TNKS: variants seen among roughly 807,000 people sequenced by gnomAD.
TNKS encodes poly [ADP-ribose] polymerase tankyrase-1.
In TNKS, 72 loss-of-function variants were observed where a neutral mutation model predicts 135.8. The observed-to-expected ratio is 0.53, with a 90% confidence interval of 0.44 to 0.64. The LOEUF (loss-of-function observed/expected upper bound fraction) is 0.64. TNKS is among the 30% of genes least tolerant of loss of function. TNKS has a pLI of 0.00. For missense variants in TNKS, 1,769 were observed against 1,674.0 expected (o/e 1.06, Z -0.99); for synonymous variants, 849 against 649.3 (o/e 1.31, Z -4.68).
At chr8:9,715,368 C>A (rs28491642) in intron 11 of TNKS, among the ~76,000 whole-genome samples, 408 of 40,576 alleles carry the variant, frequency 0.01, 1 homozygote, top group African/African-American at 0.027. Context: ...GCAGGGGGGG[C>A]GGGTATGATC....
At chr8:9,644,550 G>C (rs1800842967) in intron 3 of TNKS, among the ~76,000 whole-genome samples, 1 of 151,992 alleles carries the variant, frequency 6.6e-6, no homozygotes, top group Non-Finnish European at 1.5e-5. Context: ...CCATTTCTTG[G>C]ACTTTTTACT....
chr8:9,619,989 C>T (rs1173154440), intron 3 of TNKS, among the ~76,000 whole-genome samples: 5 of 150,434 alleles, frequency 3.3e-5, no homozygotes, highest in African/African-American at 7.3e-5. Context: ...CTCACTCTGT[C>T]GCCAGGTTGG....
intron 22 of TNKS, among the ~76,000 whole-genome samples, chr8:9,763,962 C>T (rs1159765563): frequency 6.6e-6 from 1 of 152,112 alleles, no homozygotes; most frequent in South Asian, 2.1e-4. Flanking sequence ...GAACTCAGGA[C>T]CATGACCCCA....
At position 9,633,101 on chromosome 8, in the gene TNKS, C is replaced by T. The variant is rs186916444; in HGVS notation, c.994+17424C>T. 1.6e-3 allele frequency among the ~76,000 whole-genome samples: 248 copies of T among 152,270 alleles called. 2 individuals carry two copies. The highest frequency in any genetic ancestry group is 5.6e-3 in the African/African-American group (232 of 41,542). ...ATGGAAAATGGTACATTACTGCTTA[C>T]ATTAGGCACTGAAGAAATGCATGGT... On this transcript the variant is annotated intron_variant, in intron 3 of 26. Transcript: ENST00000310430.
intron 8 of TNKS, 135 bp from the exon 9 acceptor site, chr8:9,708,236 A>G (rs977301612): frequency 2.5e-5 from 19 of 748,146 alleles, no homozygotes; most frequent in African/African-American, 2.3e-4. Context: ...TTTTATCATC[A>G]TATTATCACA....
chr8:9,729,680 A>T (rs757806231), intron 13 of TNKS, among the ~76,000 whole-genome samples: 1 of 151,816 alleles, frequency 6.6e-6, no homozygotes, highest in Admixed American at 6.6e-5. Flanking sequence ...TTATCTGTAA[A>T]GTTAATTTAT....
rs199759393 is a variant in TNKS, at chr8:9,748,147, C to T, written c.2767C>T (p.Leu923=). 3 of 1,614,136 alleles carry T rather than the reference C, an allele frequency of 1.9e-6. No individual in the cohort carries two copies. The highest frequency in any genetic ancestry group is 2.5e-6 in the Non-Finnish European group (3 of 1,180,014). Residue 923 remains leucine, a synonymous_variant, in exon 18 of 27, where the codon CTA becomes TTA. Coordinates refer to ENST00000310430, the MANE Select transcript of TNKS (RefSeq NM_003747.3). ...AAGGACGCAGCTGTGCGCCCTCCTCCTAGCGCATGGTGCAGACCCCACCAT... is the reference window on the plus strand; with the variant it reads ...AAGGACGCAGCTGTGCGCCCTCCTCTTAGCGCATGGTGCAGACCCCACCAT... ...KGRTQLCALL[L]AHGADPTMKN...
intron 1 of TNKS, among the ~76,000 whole-genome samples, chr8:9,565,567 A>G (rs1223419865): frequency 6.6e-6 from 1 of 152,232 alleles, no homozygotes; most frequent in Non-Finnish European, 1.5e-5. Flanking sequence ...TAGTTCAAAA[A>G]TAAACTAAAC....
At chr8:9,670,543 C>T (rs1055656249) in intron 3 of TNKS, among the ~76,000 whole-genome samples, 1 of 151,982 alleles carries the variant, frequency 6.6e-6, no homozygotes. Context: ...ACATTTCTAC[C>T]TAAAACAATG....
chr8:9,659,871 T>C (rs891134387), intron 3 of TNKS, among the ~76,000 whole-genome samples: 7 of 151,506 alleles, frequency 4.6e-5, no homozygotes, highest in African/African-American at 7.3e-5. Flanking sequence ...GAGAGACGAA[T>C]CAAATAGACG....
chr8:9,598,813 A>ATG (rs1798907704), intron 2 of TNKS, among the ~76,000 whole-genome samples: 1 of 107,366 alleles, frequency 9.3e-6, no homozygotes, highest in Non-Finnish European at 1.9e-5. Context: ...ATATATATAT[A>ATG]TATATGAATG....
intron 3 of TNKS, among the ~76,000 whole-genome samples, chr8:9,667,133 C>T (rs1006253435): frequency 1.5e-4 from 23 of 152,000 alleles, no homozygotes; most frequent in African/African-American, 4.1e-4. Flanking sequence ...CAAATAGAAA[C>T]GACAGAATAC....
chr8:9,767,219 G>A (rs1807505330), intron 25 of TNKS, among the ~76,000 whole-genome samples: 1 of 152,136 alleles, frequency 6.6e-6, no homozygotes. Context: ...GGAATTAATA[G>A]CAAACAAATG....
At chr8:9,771,580 A>G (rs1373726397) in intron 26 of TNKS, among the ~76,000 whole-genome samples, 3 of 131,446 alleles carry the variant, frequency 2.3e-5, no homozygotes, top group Non-Finnish European at 4.9e-5. Flanking sequence ...AGGAAGGAAG[A>G]GAGAAAGGGA....
At chr8:9,706,313 A>T in intron 7 of TNKS, 60 bp downstream of exon 7, 1 of 1,272,018 alleles carries the variant, frequency 7.9e-7, no homozygotes, top group Admixed American at 2.5e-5. Flanking sequence ...TTACCTTGTC[A>T]TGACTTTCCA....
At position 9,593,880 on chromosome 8, in the gene TNKS, A is replaced by T. The variant is rs184809144; in HGVS notation, c.898+13497A>T. Among the ~76,000 whole-genome samples, 1,384 of 149,646 alleles carry T rather than the reference A, an allele frequency of 9.2e-3. 17 individuals carry two copies. Among genetic ancestry groups the T allele is most frequent in the African/African-American group, 0.031 (1,249 of 40,796 alleles). On this transcript the variant is annotated intron_variant, in intron 2 of 26. Coordinates refer to ENST00000310430, the MANE Select transcript of TNKS (RefSeq NM_003747.3). The stretch of plus-strand genomic sequence containing the variant: ...TCCCTTGATATTTATTTATTTATTT[A>T]TTATTATTATTATTATTATTTTTTG...
intron 1 of TNKS, among the ~76,000 whole-genome samples, chr8:9,559,133 C>T (rs1350849331): frequency 1.3e-5 from 2 of 152,086 alleles, no homozygotes; most frequent in Admixed American, 6.6e-5. Context: ...GCCCTTAACC[C>T]TTATGGAGCT....
chr8:9,669,473 C>T (rs1802170360), intron 3 of TNKS, among the ~76,000 whole-genome samples: 1 of 150,548 alleles, frequency 6.6e-6, no homozygotes, highest in Admixed American at 6.6e-5. Flanking sequence ...AGGGACAAGG[C>T]ATTGTATGGA....
intron 5 of TNKS, among the ~76,000 whole-genome samples, chr8:9,698,004 T>A (rs745899605): frequency 2.0e-5 from 3 of 152,126 alleles, no homozygotes; most frequent in Non-Finnish European, 1.5e-5. Context: ...TCAACCTAGG[T>A]GCCTATCAGT....
Sources: gnomAD v4.1 joint callset for allele counts (sites outside exome capture counted in the v4.1 genomes callset) on GRCh38, gnomAD v4.1.1 for gene constraint, MANE v1.5 for transcripts, NCBI Gene and HGNC (gene_info 2026-07-23, HGNC 2026-07-21) for gene names.